Variants in ARPIN observed in about 807,000 individuals in gnomAD.
The protein encoded by ARPIN is actin related protein 2/3 complex inhibitor, also known as UPF0552 protein C15orf38.
In ARPIN, 23 loss-of-function variants were observed where a neutral mutation model predicts 25.9. The observed-to-expected ratio is 0.89, with a 90% confidence interval of 0.64 to 1.26. ARPIN has a LOEUF of 1.26. Ranked by LOEUF, ARPIN falls within the 50% of genes most tolerant of loss-of-function variation. ARPIN has a pLI of 0.00. For synonymous variants in ARPIN, 126 were observed against 131.4 expected (o/e 0.96, Z 0.28); for missense variants, 333 against 312.2 (o/e 1.07, Z -0.50).
chr15:89,905,004 T>C (rs957487627), intron 3 of ARPIN, among the ~76,000 whole-genome samples: 5 of 147,060 alleles, frequency 3.4e-5, no homozygotes, highest in Non-Finnish European at 4.5e-5. Flanking sequence ...CTCACTTCCC[T>C]GACCACTCAC....
rs981426762 is a variant in ARPIN, at chr15:89,897,981, C to T, written c.*3814G>A. On this transcript the variant is annotated 3_prime_UTR_variant, in exon 6 of 6. Transcript: ENST00000357484. ...GTCGTGGTGGCGCAGGCCTGTAATC[C>T]CAGCTACTTGGGATTACAGTAATCC... 5 of 151,802 alleles carry T rather than the reference C, an allele frequency of 3.3e-5. No homozygotes were observed. The highest frequency in any genetic ancestry group is 7.4e-5 in the Non-Finnish European group (5 of 67,990). 9.4% of individuals were successfully genotyped at this position (151,802 alleles called of 1,614,324 possible). A position where few individuals can be genotyped will look rare whatever the true frequency, so the allele number is the denominator to read the frequency against.
chr15:89,910,936 G>C lies in ARPIN; in HGVS notation c.93-117C>G. 2.4e-6 allele frequency: 3 copies of C among 1,241,338 alleles called. 1 individual carries two copies. Among genetic ancestry groups the C allele is most frequent in the South Asian group, 2.7e-5 (2 of 74,336 alleles). The allele number at this position is 1,241,338 out of a possible 1,614,324, so 76.9% of individuals were successfully genotyped here. On this transcript the variant is annotated intron_variant, in intron 1 of 5. Transcript: ENST00000357484. ...TGGGTACTGAGCAGCTCCTTTCCCC[G>C]TGCTTCCGACATAGGGATCTCCAAA...
At chr15:89,907,707 G>A (rs557723286) in intron 3 of ARPIN, among the ~76,000 whole-genome samples, 5 of 152,294 alleles carry the variant, frequency 3.3e-5, no homozygotes, top group South Asian at 2.1e-4. Context: ...GGAGGCTGAG[G>A]AGGGAGGATC....
Position 89,898,597 on chromosome 15 carries a change from T to C in ARPIN, c.*3198A>G, listed in dbSNP as rs1896967011. 1 of 152,224 alleles carries C rather than the reference T, an allele frequency of 6.6e-6. No individual in the cohort carries two copies. The allele number at this position is 152,224 out of a possible 1,614,324, so 9.4% of individuals were successfully genotyped here. Reference sequence around the variant, plus strand: ...ATTAGATCATAGAAACACCACCACTTTTTGTTTCTAGCCCTATTAACAACC... The same window carrying C: ...ATTAGATCATAGAAACACCACCACTCTTTGTTTCTAGCCCTATTAACAACC... On this transcript the variant is annotated 3_prime_UTR_variant, in exon 6 of 6. Transcript: ENST00000357484.
intron 2 of ARPIN, among the ~76,000 whole-genome samples, chr15:89,910,397 G>A (rs1897202558): frequency 6.6e-6 from 1 of 152,152 alleles, no homozygotes; most frequent in South Asian, 2.1e-4. Context: ...GAGGGCAAAG[G>A]CAGCCAGGAC....
At chr15:89,903,048 C>T in intron 5 of ARPIN, 168 bp downstream of exon 5, 3 of 1,504,038 alleles carry the variant, frequency 2.0e-6, no homozygotes, top group Admixed American at 2.1e-5. Flanking sequence ...TTCTTCATAC[C>T]TTAGAGGAAT....
Position 89,901,769 on chromosome 15 carries a change from G to A in ARPIN, c.*26C>T, listed in dbSNP as rs1897024969. ...GTTCCACAATGCTACAGAAGGTGCT[G>A]GTGCCCCCAGAGGCAGCCACGTCCC... On this transcript the variant is annotated 3_prime_UTR_variant, in exon 6 of 6. Transcript: ENST00000357484. 2 of 1,612,598 alleles carry A rather than the reference G, an allele frequency of 1.2e-6. No homozygotes were observed. The highest frequency in any genetic ancestry group is 1.7e-6 in the Non-Finnish European group (2 of 1,178,782).
chr15:89,912,771 C>T lies in ARPIN; in HGVS notation c.65G>A (p.Gly22Glu). Reference sequence around the variant, plus strand: ...CTGGTGGGCGGCGGGGTCCCAGGCCCCTGGCAGCCGGACGCTCTGCACCGC... The same window carrying T: ...CTGGTGGGCGGCGGGGTCCCAGGCCTCTGGCAGCCGGACGCTCTGCACCGC... ...NKAVQSVRLP[G>E]AWDPAAHQGG... Residue 22 changes from glycine (G) to glutamate (E), a missense_variant, in exon 1 of 6, where the codon GGG becomes GAG. Transcript: ENST00000357484. 6.6e-7 allele frequency: 1 copy of T among 1,505,392 alleles called. No homozygotes were observed. Among genetic ancestry groups the T allele is most frequent in the South Asian group, 1.3e-5 (1 of 79,862 alleles). 93.3% of individuals were successfully genotyped at this position (1,505,392 alleles called of 1,614,324 possible).
intron 3 of ARPIN, among the ~76,000 whole-genome samples, chr15:89,908,021 G>A (rs1596235894): frequency 6.6e-6 from 1 of 152,190 alleles, no homozygotes; most frequent in East Asian, 1.9e-4. Context: ...CAGGTTTGTG[G>A]GTGATTCTGC....
At position 89,895,832 on chromosome 15, in the gene ARPIN, A is replaced by G. The variant is rs1315950442; in HGVS notation, c.*5963T>C. On this transcript the variant is annotated 3_prime_UTR_variant, in exon 6 of 6. Transcript: ENST00000357484. The stretch of plus-strand genomic sequence containing the variant: ...AACCTCAAACTGCTGGCCTCAGGCA[A>G]TCCTCCAGCCTCAGTCTCCCAAACC... The G allele has an allele frequency of 6.6e-6, 1 of 152,474 alleles. No individual in the cohort carries two copies. The highest frequency in any genetic ancestry group is 1.5e-5 in the Non-Finnish European group (1 of 68,270). The allele number at this position is 152,474 out of a possible 1,614,324, so 9.4% of individuals were successfully genotyped here.
rs1897009115 is a variant in ARPIN at position 89,900,937 on chromosome 15, T to C, written c.*858A>G. ...AGGTACAAAACAACAACAAAAAAGG[T>C]ATTCTCAAAACTGTAGCCTGGCAGA... On this transcript the variant is annotated 3_prime_UTR_variant, in exon 6 of 6. Coordinates refer to ENST00000357484, the MANE Select transcript of ARPIN (RefSeq NM_182616.4). The C allele has an allele frequency of 6.6e-6, 1 of 152,042 alleles. No individual in the cohort carries two copies. Among genetic ancestry groups the C allele is most frequent in the African/African-American group, 2.4e-5 (1 of 41,352 alleles). The allele number at this position is 152,042 out of a possible 1,614,324, so 9.4% of individuals were successfully genotyped here.
At chr15:89,907,469 G>A (rs566849967) in intron 3 of ARPIN, among the ~76,000 whole-genome samples, 77 of 152,292 alleles carry the variant, frequency 5.1e-4, no homozygotes, top group Middle Eastern at 6.8e-3. Context: ...CATGGCATAC[G>A]AGTGGGATGA....
chr15:89,898,341 C>G lies in ARPIN; in HGVS notation c.*3454G>C, dbSNP rs904441737. The G allele has an allele frequency of 6.6e-6, 1 of 152,278 alleles. No individual in the cohort carries two copies. Among genetic ancestry groups the G allele is most frequent in the Middle Eastern group, 3.4e-3 (1 of 294 alleles). The allele number at this position is 152,278 out of a possible 1,614,324, so 9.4% of individuals were successfully genotyped here. A position where few individuals can be genotyped will look rare whatever the true frequency, so the allele number is the denominator to read the frequency against. On this transcript the variant is annotated 3_prime_UTR_variant, in exon 6 of 6. Transcript: ENST00000357484. The stretch of plus-strand genomic sequence containing the variant: ...GCAATGCAAGTGGGGGAGTGACCTG[C>G]TCTGGGAACAGCCAGCCCCTCCATG...
At chr15:89,902,868 C>G in intron 5 of ARPIN, 1 of 1,207,112 alleles carries the variant, frequency 8.3e-7, no homozygotes, top group Non-Finnish European at 1.0e-6. Flanking sequence ...ACTACGCATT[C>G]AGTTGTTCAA....
In ARPIN at chr15:89,907,807, T is replaced by C. The variant is rs924906493; in HGVS notation, c.301+473A>G. On this transcript the variant is annotated intron_variant, in intron 3 of 5. Transcript: ENST00000357484. The stretch of plus-strand genomic sequence containing the variant: ...CATAGCAAAACCCAGCCACTAAAAA[T>C]GCACAAAGAAACAAAAATTTTAAAA... 2.2e-4 allele frequency among the ~76,000 whole-genome samples: 33 copies of C among 152,060 alleles called. 1 individual carries two copies. The highest frequency in any genetic ancestry group is 2.0e-4 in the Admixed American group (3 of 15,262).
intron 2 of ARPIN, 27 bp downstream of exon 2, chr15:89,910,717 T>TA: frequency 6.2e-7 from 1 of 1,613,768 alleles, no homozygotes; most frequent in Non-Finnish European, 8.5e-7. Flanking sequence ...CAGTGCCCTC[T>TA]AGCTAGCACC....
In ARPIN at chr15:89,912,930, TC is replaced by T. The variant is rs1465844132; in HGVS notation, c.-96del. ...TGCAGGACGCGCGGGGACCCGCGAT[TC>T]CCAGCCGGCGGATCCGGGAATGGCG... On this transcript the variant is annotated 5_prime_UTR_variant, in exon 1 of 6. Coordinates refer to ENST00000357484, the MANE Select transcript of ARPIN (RefSeq NM_182616.4). 2.9e-6 allele frequency: 4 copies of T among 1,384,634 alleles called. No individual in the cohort carries two copies. The East Asian group carries it at 1.2e-4, about 42-fold the overall frequency. The allele number at this position is 1,384,634 out of a possible 1,614,324, so 85.8% of individuals were successfully genotyped here. A position where few individuals can be genotyped will look rare whatever the true frequency, so the allele number is the denominator to read the frequency against.
At position 89,897,781 on chromosome 15, in the gene ARPIN, G is replaced by C. The variant is rs1896953683; in HGVS notation, c.*4014C>G. 1 of 152,010 alleles carries C rather than the reference G, an allele frequency of 6.6e-6. No individual in the cohort carries two copies. The highest frequency in any genetic ancestry group is 1.5e-5 in the Non-Finnish European group (1 of 67,994). The allele number at this position is 152,010 out of a possible 1,614,324, so 9.4% of individuals were successfully genotyped here. ...TTTCCTAAATGCATTGCTATTTGTGGAGATTAGTTTAGTCCCTCAAAAAAT... is the reference window on the plus strand; with the variant it reads ...TTTCCTAAATGCATTGCTATTTGTGCAGATTAGTTTAGTCCCTCAAAAAAT... On this transcript the variant is annotated 3_prime_UTR_variant, in exon 6 of 6. Coordinates refer to ENST00000357484, the MANE Select transcript of ARPIN (RefSeq NM_182616.4).
chr15:89,899,675 G>A lies in ARPIN; in HGVS notation c.*2120C>T, dbSNP rs2141915695. The A allele has an allele frequency of 6.6e-6, 1 of 151,566 alleles. No individual in the cohort carries two copies. The highest frequency in any genetic ancestry group is 2.4e-5 in the African/African-American group (1 of 41,128). The allele number at this position is 151,566 out of a possible 1,614,324, so 9.4% of individuals were successfully genotyped here. A position where few individuals can be genotyped will look rare whatever the true frequency, so the allele number is the denominator to read the frequency against. On this transcript the variant is annotated 3_prime_UTR_variant, in exon 6 of 6. Coordinates refer to ENST00000357484, the MANE Select transcript of ARPIN (RefSeq NM_182616.4). ...CACTGCTATAGACCAGACCCCTCTA[G>A]CCTCTCACCCAGGCAACTGCAGCAG...
Sources: gnomAD v4.1 joint callset for allele counts (sites outside exome capture counted in the v4.1 genomes callset) on GRCh38, gnomAD v4.1.1 for gene constraint, MANE v1.5 for transcripts, NCBI Gene and HGNC (gene_info 2026-07-23, HGNC 2026-07-21) for gene names.